EPHA10: variants seen among roughly 807,000 people sequenced by gnomAD.
EPHA10 encodes EPH receptor A10.
EPHA10 carries 120 observed loss-of-function variants against 109.7 expected under a neutral mutation model. That is an observed-to-expected ratio of 1.09 (90% CI 0.94 to 1.27). EPHA10 has a LOEUF of 1.27. Ranked by LOEUF, EPHA10 falls within the 50% of genes most tolerant of loss-of-function variation. The probability of loss-of-function intolerance (pLI) is 0.00; values close to 1 mark genes in which losing one functional copy is unlikely to be tolerated. For missense variants in EPHA10, 1,396 were observed against 1,411.1 expected (o/e 0.99, Z 0.17); for synonymous variants, 640 against 618.9 (o/e 1.03, Z -0.51).
At chr1:37,753,781 G>T (rs1469004259) in intron 4 of EPHA10, among the ~76,000 whole-genome samples, 1 of 152,070 alleles carries the variant, frequency 6.6e-6, no homozygotes. Context: ...GGGGGCCCTT[G>T]GGAGGTCGGA....
intron 6 of EPHA10, chr1:37,734,802 T>TACA (rs1646042318): frequency 2.6e-5 from 9 of 347,610 alleles, no homozygotes; most frequent in South Asian, 2.0e-4. Context: ...TAATAACTCA[T>TACA]ACATTTATTG....
At chr1:37,759,733 T>C (rs1646416290) in intron 3 of EPHA10, among the ~76,000 whole-genome samples, 1 of 151,696 alleles carries the variant, frequency 6.6e-6, no homozygotes, top group African/African-American at 2.4e-5. Context: ...TAATGCACTA[T>C]GATCATACCT....
chr1:37,742,801 C>T (rs1471287737), intron 5 of EPHA10, among the ~76,000 whole-genome samples: 2 of 151,962 alleles, frequency 1.3e-5, no homozygotes, highest in Non-Finnish European at 2.9e-5. Flanking sequence ...GCCTGGGCAA[C>T]ATAGCAATAC....
At chr1:37,734,892 A>G (rs1445219401) in intron 6 of EPHA10, among the ~76,000 whole-genome samples, 1 of 152,202 alleles carries the variant, frequency 6.6e-6, no homozygotes, top group African/African-American at 2.4e-5. Flanking sequence ...CACTTTTGTA[A>G]AATTAGAAAT....
chr1:37,728,427 G>A (rs192737156), intron 7 of EPHA10, among the ~76,000 whole-genome samples: 127 of 152,200 alleles, frequency 8.3e-4, no homozygotes, highest in African/African-American at 2.9e-3. Context: ...GAGAGGTGAA[G>A]GTTTGGCATA....
chr1:37,725,064 TG>T (rs1359344825), intron 8 of EPHA10, among the ~76,000 whole-genome samples: 1 of 151,870 alleles, frequency 6.6e-6, no homozygotes, highest in Admixed American at 6.6e-5. Context: ...GGGGTGAGGA[TG>T]GGTGCAGAAG....
At chr1:37,747,268 A>T (rs1646254199) in intron 5 of EPHA10, among the ~76,000 whole-genome samples, 1 of 152,156 alleles carries the variant, frequency 6.6e-6, no homozygotes, top group African/African-American at 2.4e-5. Flanking sequence ...AAGACTTCAG[A>T]GGTTGGGTGG....
At chr1:37,724,473 A>G (rs1431852735) in intron 8 of EPHA10, among the ~76,000 whole-genome samples, 3 of 152,162 alleles carry the variant, frequency 2.0e-5, no homozygotes, top group Non-Finnish European at 2.9e-5. Context: ...GGGACTAGGA[A>G]TAAGTCTGAG....
chr1:37,764,397 G>A lies in EPHA10; in HGVS notation c.106+564C>T, dbSNP rs1014720399. The stretch of plus-strand genomic sequence containing the variant: ...AATCAGAGGCAAGACGCGGGCTCCA[G>A]TATCGCCGACAGCCTCAAACCCGGC... On this transcript the variant is annotated intron_variant, in intron 1 of 16. Transcript: ENST00000373048. The surrounding 1 kb of genome is among the most constrained non-coding windows in gnomAD (Gnocchi z 5.8). Among the ~76,000 whole-genome samples the A allele has an allele frequency of 6.7e-4, 102 of 152,354 alleles. No individual in the cohort carries two copies. The highest frequency in any genetic ancestry group is 2.3e-3 in the African/African-American group (97 of 41,592).
chr1:37,723,556 ACAACCGTAGCCCTAGAC>A (rs1382598267), intron 8 of EPHA10, among the ~76,000 whole-genome samples, 184 bp from the exon 9 acceptor site: 1 of 152,178 alleles, frequency 6.6e-6, no homozygotes, highest in Non-Finnish European at 1.5e-5. Context: ...TGGCACAGAT[ACAACCGTAGCCCTAGAC>A]CAAACCGTCA....
Position 37,762,021 on chromosome 1 carries a change from A to G in EPHA10, c.234T>C (p.Asn78=), listed in dbSNP as rs747740958. 1 of 1,613,788 alleles carries G rather than the reference A, an allele frequency of 6.2e-7. No homozygotes were observed. ...DRPIRTYQVC[N]VLEPNQDNWL... is the part of the protein sequence containing the mutation. ...AGTTGTCCTGGTTGGGCTCCAGCAC[A>G]TTGCACACTTGGTACGTGCGGATGG... Residue 78 remains asparagine (N), a synonymous_variant, in exon 3 of 17, where the codon AAT becomes AAC. Coordinates refer to ENST00000373048, the MANE Select transcript of EPHA10 (RefSeq NM_001099439.2).
intron 11 of EPHA10, 139 bp from the exon 12 acceptor site, chr1:37,720,983 C>T (rs570866151): frequency 2.6e-6 from 2 of 754,804 alleles, no homozygotes; most frequent in East Asian, 5.3e-5. Flanking sequence ...ATCCTCCTGC[C>T]CAGCCCAGGG....
chr1:37,764,174 G>C lies in EPHA10; in HGVS notation c.106+787C>G, dbSNP rs1415785497. On this transcript the variant is annotated intron_variant, in intron 1 of 16. Transcript: ENST00000373048. This position sits in a 1 kb window ranked among gnomAD's most constrained non-coding sequence, Gnocchi z 5.8. The stretch of plus-strand genomic sequence containing the variant: ...TGAGGGCCTCTCCAGAGGCGTCAGC[G>C]ACTGTGGGCAGGACCGCCGACGGCT... 6.6e-6 allele frequency among the ~76,000 whole-genome samples: 1 copy of C among 152,182 alleles called. No individual in the cohort carries two copies. The highest frequency in any genetic ancestry group is 2.4e-5 in the African/African-American group (1 of 41,432).
intron 7 of EPHA10, 54 bp downstream of exon 7, chr1:37,731,357 C>T: frequency 1.3e-6 from 2 of 1,499,082 alleles, no homozygotes; most frequent in East Asian, 2.4e-5. Context: ...CTACCTCAGC[C>T]CCGTGCAGGG....
intron 7 of EPHA10, among the ~76,000 whole-genome samples, chr1:37,731,104 T>C (rs1052543059): frequency 6.6e-6 from 1 of 152,212 alleles, no homozygotes; most frequent in Non-Finnish European, 1.5e-5. Flanking sequence ...CAGTGTCCCA[T>C]GTTTGGGTCT....
intron 5 of EPHA10, among the ~76,000 whole-genome samples, chr1:37,745,519 T>C (rs1381776817): frequency 6.6e-6 from 1 of 152,166 alleles, no homozygotes; most frequent in Non-Finnish European, 1.5e-5. Flanking sequence ...TCAGCTCAGG[T>C]TACCATAAAA....
At chr1:37,763,049 T>G (rs1299902470) in intron 1 of EPHA10, among the ~76,000 whole-genome samples, 200 bp from the exon 2 acceptor site, 2 of 152,166 alleles carry the variant, frequency 1.3e-5, no homozygotes, top group Non-Finnish European at 2.9e-5. Flanking sequence ...CCACAGTCAG[T>G]AGGGAAGGAG....
At chr1:37,744,789 T>C (rs1015718418) in intron 5 of EPHA10, among the ~76,000 whole-genome samples, 10 of 152,176 alleles carry the variant, frequency 6.6e-5, no homozygotes, top group African/African-American at 2.4e-4. Context: ...ATGGGTTAAA[T>C]TGTGTCTCCA....
intron 1 of EPHA10, among the ~76,000 whole-genome samples, chr1:37,763,255 C>T (rs1004278125): frequency 2.0e-5 from 3 of 152,084 alleles, no homozygotes; most frequent in Non-Finnish European, 2.9e-5. Context: ...CCATCTTCAG[C>T]GTCTGGTGGC....
Sources: gnomAD v4.1 joint callset for allele counts (sites outside exome capture counted in the v4.1 genomes callset) on GRCh38, gnomAD v4.1.1 for gene constraint, Gnocchi (gnomAD v3.1) non-coding constraint, MANE v1.5 for transcripts, NCBI Gene and HGNC (gene_info 2026-07-23, HGNC 2026-07-21) for gene names.